The following MOB3B variants were observed in gnomAD, a reference collection of about 807,000 sequenced individuals.
MOB3B encodes the protein MOB kinase activator-like 2B.
In MOB3B, 7 loss-of-function variants were observed where a neutral mutation model predicts 18.7. The observed-to-expected ratio is 0.37, with a 90% confidence interval of 0.21 to 0.70. The LOEUF is 0.70. Ranked by LOEUF, MOB3B falls within the 30% of genes least tolerant of loss-of-function variation. The probability of loss-of-function intolerance (pLI) is 0.52; values close to 1 mark genes in which losing one functional copy is unlikely to be tolerated. For missense variants in MOB3B, 253 were observed against 281.3 expected, an observed-to-expected ratio of 0.90 and a Z score of 0.72; for synonymous variants, 111 against 99.9, an observed-to-expected ratio of 1.11 and a Z score of -0.66.
At chr9:27,525,676 C>G (rs1411254156) in intron 1 of MOB3B, among the ~76,000 whole-genome samples, 3 of 151,932 alleles carry the variant, frequency 2.0e-5, no homozygotes, top group Non-Finnish European at 4.4e-5. Flanking sequence ...ATTCCTACAT[C>G]TAAAGGCATG....
intron 3 of MOB3B, among the ~76,000 whole-genome samples, chr9:27,350,875 T>A (rs1197973165): frequency 6.7e-6 from 1 of 149,554 alleles, no homozygotes; most frequent in Non-Finnish European, 1.5e-5. Context: ...GTACACCCCC[T>A]CTGCCCCTCT....
intron 2 of MOB3B, among the ~76,000 whole-genome samples, chr9:27,418,096 A>AAAAAAAAAAAAAAAAAAAAAG (rs1443751264): frequency 7.5e-6 from 1 of 133,482 alleles, no homozygotes; most frequent in Non-Finnish European, 1.6e-5. Flanking sequence ...CACCTCAAAA[A>AAAAAAAAAAAAAAAAAAAAAG]AAAAAAAAAA....
chr9:27,388,028 A>C (rs1011018503), intron 2 of MOB3B, among the ~76,000 whole-genome samples: 1 of 152,210 alleles, frequency 6.6e-6, no homozygotes, highest in Non-Finnish European at 1.5e-5. Flanking sequence ...CCTGGCAAGC[A>C]GAAGCCAGGG....
At chr9:27,393,072 C>T (rs890087725) in intron 2 of MOB3B, among the ~76,000 whole-genome samples, 1 of 152,162 alleles carries the variant, frequency 6.6e-6, no homozygotes, top group Non-Finnish European at 1.5e-5. Flanking sequence ...GCTTTAGATT[C>T]TGACGGAGTT....
At chr9:27,447,775 A>G (rs1238096112) in intron 2 of MOB3B, among the ~76,000 whole-genome samples, 1 of 152,174 alleles carries the variant, frequency 6.6e-6, no homozygotes, top group Non-Finnish European at 1.5e-5. Context: ...TGGGTTCACA[A>G]GGTTGTGGTG....
intron 1 of MOB3B, among the ~76,000 whole-genome samples, chr9:27,525,305 G>T (rs1448254496): frequency 1.3e-5 from 2 of 152,174 alleles, no homozygotes; most frequent in Non-Finnish European, 2.9e-5. Context: ...AGAGGATAGG[G>T]AGCAGAGAAT....
At chr9:27,477,551 C>A (rs1224333431) in intron 1 of MOB3B, among the ~76,000 whole-genome samples, 1 of 152,162 alleles carries the variant, frequency 6.6e-6, no homozygotes, top group Non-Finnish European at 1.5e-5. Flanking sequence ...TGCCCCAGCA[C>A]CTATGACAAA....
chr9:27,492,275 A>G (rs1819830652), intron 1 of MOB3B, among the ~76,000 whole-genome samples: 1 of 152,320 alleles, frequency 6.6e-6, no homozygotes, highest in African/African-American at 2.4e-5. Flanking sequence ...TAAGGTTCAC[A>G]CTCATTATAA....
chr9:27,354,440 A>C (rs1040025631), intron 3 of MOB3B, among the ~76,000 whole-genome samples: 2 of 152,212 alleles, frequency 1.3e-5, no homozygotes, highest in African/African-American at 4.8e-5. Flanking sequence ...CTAAGAGTTG[A>C]GGCCTCGTCT....
chr9:27,338,323 AC>A (rs1231423558), intron 3 of MOB3B, among the ~76,000 whole-genome samples: 3 of 152,086 alleles, frequency 2.0e-5, no homozygotes, highest in Non-Finnish European at 4.4e-5. Context: ...CTTACAAGCC[AC>A]GTAGGTGGGA....
At chr9:27,342,448 CCGTCTCCCTTTCCCT>C (rs1263205223) in intron 3 of MOB3B, among the ~76,000 whole-genome samples, 4 of 151,672 alleles carry the variant, frequency 2.6e-5, no homozygotes, top group Middle Eastern at 3.4e-3. Context: ...CCCTCCCCCT[CCGTCTCCCTTTCCCT>C]CGTCTCCCTC....
At chr9:27,384,532 T>A (rs948878437) in intron 2 of MOB3B, among the ~76,000 whole-genome samples, 1 of 152,312 alleles carries the variant, frequency 6.6e-6, no homozygotes, top group Admixed American at 6.5e-5. Context: ...AAATCATTCT[T>A]ATTAAAACAA....
At chr9:27,462,403 T>C (rs1337319703) in intron 1 of MOB3B, among the ~76,000 whole-genome samples, 1 of 152,170 alleles carries the variant, frequency 6.6e-6, no homozygotes, top group African/African-American at 2.4e-5. Context: ...GAACTACAGA[T>C]AAAGCTTAAG....
intron 1 of MOB3B, among the ~76,000 whole-genome samples, chr9:27,462,250 A>T (rs547075349): frequency 2.2e-4 from 33 of 152,318 alleles, no homozygotes; most frequent in Admixed American, 1.6e-3. Flanking sequence ...AACTTCTCTA[A>T]GTCAGTGAGA....
At chr9:27,398,008 C>T (rs1821826293) in intron 2 of MOB3B, among the ~76,000 whole-genome samples, 2 of 152,204 alleles carry the variant, frequency 1.3e-5, no homozygotes, top group Non-Finnish European at 1.5e-5. Flanking sequence ...ATTTTTTACC[C>T]AAGTCTCCCG....
At chr9:27,358,888 T>C (rs1345254322) in intron 3 of MOB3B, 146 bp downstream of exon 3, 2 of 851,926 alleles carry the variant, frequency 2.3e-6, no homozygotes, top group South Asian at 2.7e-5. Flanking sequence ...TGGCTGTTAG[T>C]TGACCACTAA....
intron 3 of MOB3B, among the ~76,000 whole-genome samples, chr9:27,343,345 C>T (rs7019631): frequency 3.3e-5 from 5 of 150,828 alleles, no homozygotes; most frequent in Admixed American, 2.0e-4. Context: ...TGCGGAAGGC[C>T]GCGGGGTCCT....
chr9:27,442,283 G>C (rs1822606240), intron 2 of MOB3B, among the ~76,000 whole-genome samples: 1 of 152,274 alleles, frequency 6.6e-6, no homozygotes, highest in South Asian at 2.1e-4. Context: ...AAAATTTGAG[G>C]AGCACTGACT....
intron 1 of MOB3B, among the ~76,000 whole-genome samples, chr9:27,493,784 T>C (rs2589048): frequency 0.92 from 139,579 of 152,266 alleles, 64,917 homozygotes; most frequent in East Asian, 1. Flanking sequence ...ATTGCATTAA[T>C]TGCACAAATT....
Sources: gnomAD v4.1 joint callset for allele counts (sites outside exome capture counted in the v4.1 genomes callset) on GRCh38, gnomAD v4.1.1 for gene constraint, MANE v1.5 for transcripts, NCBI Gene and HGNC (gene_info 2026-07-23, HGNC 2026-07-21) for gene names.